MYT1: variants seen among roughly 807,000 people sequenced by gnomAD.
MYT1 encodes myelin transcription factor 1.
MYT1 carries 23 observed loss-of-function variants against 123.0 expected under a neutral mutation model. The observed-to-expected ratio is 0.19, with a 90% CI of 0.13 to 0.26. The LOEUF (loss-of-function observed/expected upper bound fraction) is 0.26. Among genes scored for constraint, MYT1 ranks in the 10% least tolerant of loss-of-function variants. The probability of loss-of-function intolerance (pLI) is 1.00; values close to 1 mark genes in which losing one functional copy is unlikely to be tolerated. For missense variants in MYT1, 1,125 were observed against 1,472.5 expected, an observed-to-expected ratio of 0.76 and a Z score of 3.86; for synonymous variants, 518 against 575.3, an observed-to-expected ratio of 0.90 and a Z score of 1.43.
rs1983573000 is a variant in MYT1 at position 64,208,617 on chromosome 20, A to G, written c.1291+130A>G. Reference sequence around the variant, plus strand: ...GGCAGAAAAGCAGACAAAAGGACAAATACATGACACAGACTGTGGTCAGAT... The same window carrying G: ...GGCAGAAAAGCAGACAAAAGGACAAGTACATGACACAGACTGTGGTCAGAT... On this transcript the variant is annotated intron_variant, in intron 7 of 22. Coordinates refer to ENST00000328439, the MANE Select transcript of MYT1 (RefSeq NM_004535.3). This position sits in a 1 kb window ranked among gnomAD's most constrained non-coding sequence, Gnocchi z 5.4. The G allele has an allele frequency of 7.1e-7, 1 of 1,402,290 alleles. No homozygotes were observed. The highest frequency in any genetic ancestry group is 9.4e-7 in the Non-Finnish European group (1 of 1,063,750). 86.9% of individuals were successfully genotyped at this position (1,402,290 alleles called of 1,614,324 possible).
rs977977588 is a variant in MYT1 at position 64,169,000 on chromosome 20, A to G, written c.-99+4261A>G. ...TGGTCTGAGGGCTGGGGCAGAAGCC[A>G]TCTGGGTCCTCTTCTTTTTTTCCAT... On this transcript the variant is annotated intron_variant, in intron 1 of 22. Coordinates refer to ENST00000328439, the MANE Select transcript of MYT1 (RefSeq NM_004535.3). The surrounding 1 kb of genome is among the most constrained non-coding windows in gnomAD (Gnocchi z 6.1). Among the ~76,000 whole-genome samples the G allele has an allele frequency of 2.6e-5, 4 of 152,210 alleles. No homozygotes were observed. The highest frequency in any genetic ancestry group is 2.1e-4 in the South Asian group (1 of 4,830).
chr20:64,200,169 G>A (rs1983252866), intron 4 of MYT1, among the ~76,000 whole-genome samples: 1 of 152,174 alleles, frequency 6.6e-6, no homozygotes, highest in Non-Finnish European at 1.5e-5. Flanking sequence ...ACACGGATGT[G>A]CCTACACCTG....
rs61155950 is a variant in MYT1, at chr20:64,199,797, C to A, written c.56-95C>A. On this transcript the variant is annotated intron_variant, in intron 3 of 22. Coordinates refer to ENST00000328439, the MANE Select transcript of MYT1 (RefSeq NM_004535.3). Reference sequence around the variant, plus strand: ...TTTGCCTCCACTCGTCCTTGGCAAACCTCTCGGCTGTTTAACTTAGTTTAT... The same window carrying A: ...TTTGCCTCCACTCGTCCTTGGCAAAACTCTCGGCTGTTTAACTTAGTTTAT... 9,930 of 1,438,522 alleles carry A rather than the reference C, an allele frequency of 6.9e-3. 577 individuals carry two copies. The African/African-American group carries it at 0.12, about 18-fold the overall frequency. The allele number at this position is 1,438,522 out of a possible 1,614,324, so 89.1% of individuals were successfully genotyped here.
rs1983331533 is a variant in MYT1 at position 64,202,014 on chromosome 20, C to CTCTGCGTGTCGGGAA, written c.86+2092_86+2093insTCTGCGTGTCGGGAA. Among the ~76,000 whole-genome samples the CTCTGCGTGTCGGGAA allele has an allele frequency of 7.9e-6, 1 of 126,002 alleles. No homozygotes were observed. The highest frequency in any genetic ancestry group is 2.7e-5 in the African/African-American group (1 of 37,406). 82.7% of individuals were successfully genotyped at this position (126,002 alleles called of 152,430 possible). ...TCGGGAACCCCCGCGTGTCGGGAAC[C>CTCTGCGTGTCGGGAA]CCTCGCGTGTCGGGAACCCCCGCGT... On this transcript the variant is annotated intron_variant, in intron 4 of 22. Transcript: ENST00000328439. The surrounding 1 kb of genome is among the most constrained non-coding windows in gnomAD (Gnocchi z 5.0).
intron 16 of MYT1, among the ~76,000 whole-genome samples, chr20:64,224,163 G>A (rs6090078): frequency 0.1 from 15,525 of 152,234 alleles, 829 homozygotes; most frequent in Non-Finnish European, 0.11. Context: ...GGGCACCGGG[G>A]CCGAGCTGAG....
chr20:64,219,626 G>A, intron 12 of MYT1, 87 bp from the exon 13 acceptor site: 1 of 1,206,116 alleles, frequency 8.3e-7, no homozygotes, highest in Non-Finnish European at 1.2e-6. Context: ...CCAGTGTTCT[G>A]GACTCTGTAC....
At position 64,240,613 on chromosome 20, in the gene MYT1, AGG is replaced by A; in HGVS notation, c.*166_*167del. The A allele has an allele frequency of 1.1e-6, 1 of 934,260 alleles. No homozygotes were observed. Among genetic ancestry groups the A allele is most frequent in the Non-Finnish European group, 1.5e-6 (1 of 649,838 alleles). The allele number at this position is 934,260 out of a possible 1,614,324, so 57.9% of individuals were successfully genotyped here. A position where few individuals can be genotyped will look rare whatever the true frequency, so the allele number is the denominator to read the frequency against. On this transcript the variant is annotated 3_prime_UTR_variant, in exon 23 of 23. Coordinates refer to ENST00000328439, the MANE Select transcript of MYT1 (RefSeq NM_004535.3). ...TGGCTGGAAATTGGCCGCTCCCACG[AGG>A]CTCCCTCCAGGCTTGGGGCCGTGGT...
chr20:64,239,534 T>A (rs1014635584), intron 21 of MYT1, among the ~76,000 whole-genome samples: 2 of 152,112 alleles, frequency 1.3e-5, no homozygotes, highest in Non-Finnish European at 2.9e-5. Context: ...GCCCCCTTCC[T>A]GGCTTCCCTG....
chr20:64,209,411 T>C (rs1488202588), intron 7 of MYT1, among the ~76,000 whole-genome samples: 1 of 152,224 alleles, frequency 6.6e-6, no homozygotes, highest in African/African-American at 2.4e-5. Context: ...GAGGGCCTCC[T>C]GCACCTGGGC....
In MYT1 at chr20:64,186,013, G is replaced by A. The variant is rs564210572; in HGVS notation, c.-98-4050G>A. On this transcript the variant is annotated intron_variant, in intron 1 of 22. Transcript: ENST00000328439. This position sits in a 1 kb window ranked among gnomAD's most constrained non-coding sequence, Gnocchi z 4.3. ...AGGGCTTCATTAGGAGAAGACAGACGGGGGGCTACAGCTCAGCACTGCACA... is the reference window on the plus strand; with the variant it reads ...AGGGCTTCATTAGGAGAAGACAGACAGGGGGCTACAGCTCAGCACTGCACA... Among the ~76,000 whole-genome samples, 3 of 152,300 alleles carry A rather than the reference G, an allele frequency of 2.0e-5. No individual in the cohort carries two copies. Among genetic ancestry groups the A allele is most frequent in the South Asian group, 4.1e-4 (2 of 4,822 alleles).
chr20:64,215,556 A>C lies in MYT1; in HGVS notation c.1632-1511A>C, dbSNP rs571310074. On this transcript the variant is annotated intron_variant, in intron 10 of 22. Transcript: ENST00000328439. ...TGAAGCCTTGGTCAAGGAAGCCATCAACGGTGGTACCAATGTTAAGCTTAT... is the reference window on the plus strand; with the variant it reads ...TGAAGCCTTGGTCAAGGAAGCCATCCACGGTGGTACCAATGTTAAGCTTAT... 4.3e-4 allele frequency among the ~76,000 whole-genome samples: 66 copies of C among 152,244 alleles called. 2 individuals are homozygous for C. In the South Asian group the frequency reaches 0.012, roughly 29 times the overall value.
rs975303972 is a variant in MYT1 at position 64,212,849 on chromosome 20, C to T, written c.1518-685C>T. ...TAAGTGCCATGGGTGGCCGTGGCCT[C>T]GGTGGGATATGCTTTCCCCCAGCAG... On this transcript the variant is annotated intron_variant, in intron 9 of 22. Transcript: ENST00000328439. This position sits in a 1 kb window ranked among gnomAD's most constrained non-coding sequence, Gnocchi z 6.8. 2.0e-5 allele frequency among the ~76,000 whole-genome samples: 3 copies of T among 152,120 alleles called. No homozygotes were observed. Among genetic ancestry groups the T allele is most frequent in the Admixed American group, 6.5e-5 (1 of 15,270 alleles).
rs537624709 is a variant in MYT1, at chr20:64,178,033, G to A, written c.-98-12030G>A. On this transcript the variant is annotated intron_variant, in intron 1 of 22. Transcript: ENST00000328439. ...CAGGGTCTTCCAGGAGCAGTCCTGG[G>A]ACAGAGGGAGGTGGAGCGTCCTGCC... is the stretch of plus-strand genomic sequence containing the variant. Among the ~76,000 whole-genome samples, 3 of 152,296 alleles carry A rather than the reference G, an allele frequency of 2.0e-5. No individual in the cohort carries two copies. In the South Asian group the frequency reaches 6.2e-4, roughly 32 times the overall value.
chr20:64,213,543 G>A lies in MYT1; in HGVS notation c.1527G>A (p.Gly509=). ...SNRNTHRSLS[G]CPIAAAEKLA... ...CTCTTCCTTCCTCTAGTTTGTCTGGGTGTCCCATTGCTGCCGCCGAAAAAT... is the reference window on the plus strand; with the variant it reads ...CTCTTCCTTCCTCTAGTTTGTCTGGATGTCCCATTGCTGCCGCCGAAAAAT... Residue 509 remains glycine, a synonymous_variant, in exon 10 of 23, where the codon GGG becomes GGA. Coordinates refer to ENST00000328439, the MANE Select transcript of MYT1 (RefSeq NM_004535.3). The surrounding 1 kb of genome is among the most constrained non-coding windows in gnomAD (Gnocchi z 5.6). 6.2e-7 allele frequency: 1 copy of A among 1,613,970 alleles called. No individual in the cohort carries two copies. Among genetic ancestry groups the A allele is most frequent in the Non-Finnish European group, 8.5e-7 (1 of 1,179,926 alleles).
intron 16 of MYT1, among the ~76,000 whole-genome samples, chr20:64,225,040 G>A (rs1439788085): frequency 6.6e-6 from 1 of 152,172 alleles, no homozygotes. Flanking sequence ...GTGTGAAAGT[G>A]AACCGCTCAT....
At chr20:64,233,203 TCC>T (rs1984380996) in intron 19 of MYT1, among the ~76,000 whole-genome samples, 1 of 82,496 alleles carries the variant, frequency 1.2e-5, no homozygotes, top group Non-Finnish European at 2.4e-5. Flanking sequence ...CCCTCTCCCT[TCC>T]CCTATCCCTC....
At chr20:64,236,296 G>T (rs1352692185) in intron 19 of MYT1, among the ~76,000 whole-genome samples, 2 of 140,792 alleles carry the variant, frequency 1.4e-5, no homozygotes, top group African/African-American at 2.7e-5. Context: ...GGCCGCGGTG[G>T]GTGACCCTGG....
chr20:64,233,218 CCTTTCCT>C, intron 19 of MYT1, among the ~76,000 whole-genome samples: 1 of 91,608 alleles, frequency 1.1e-5, no homozygotes, highest in Non-Finnish European at 2.2e-5. Context: ...TATCCCTCCC[CCTTTCCT>C]TCTTTCCCCT....
At position 64,164,972 on chromosome 20, in the gene MYT1, A is replaced by G. The variant is rs572128335; in HGVS notation, c.-99+233A>G. Among the ~76,000 whole-genome samples the G allele has an allele frequency of 6.6e-5, 10 of 152,034 alleles. No homozygotes were observed. The East Asian group carries it at 1.7e-3, about 26-fold the overall frequency. On this transcript the variant is annotated intron_variant, in intron 1 of 22. Transcript: ENST00000328439. The stretch of plus-strand genomic sequence containing the variant: ...TTTTTCTCCTGTCTCTCTGTTGTTC[A>G]TGCTCCTCTGAGATTCCAGGGGACA...
Sources: allele counts gnomAD v4.1 joint callset (sites outside exome capture counted in the v4.1 genomes callset), GRCh38; gene constraint gnomAD v4.1.1; non-coding constraint Gnocchi (gnomAD v3.1); transcripts MANE v1.5; gene names NCBI Gene and HGNC (gene_info 2026-07-23, HGNC 2026-07-21).